CADM2: variants seen among roughly 807,000 people sequenced by gnomAD.
CADM2 encodes immunoglobulin superfamily member 4D.
A neutral mutation model predicts 49.8 loss-of-function variants in CADM2; 12 were observed. The ratio of observed to expected loss-of-function variants is 0.24; its 90% confidence interval spans 0.15 to 0.39. The LOEUF (loss-of-function observed/expected upper bound fraction) is 0.39, where lower values mean the gene tolerates loss of function less well. Among genes scored for constraint, CADM2 ranks in the 10% least tolerant of loss-of-function variants. The pLI is 1.00. For missense variants in CADM2, 378 were observed against 492.3 expected, an observed-to-expected ratio of 0.77 and a Z score of 2.20; for synonymous variants, 214 against 175.4, an observed-to-expected ratio of 1.22 and a Z score of -1.74.
intron 1 of CADM2, among the ~76,000 whole-genome samples, chr3:85,032,981 A>G (rs1026962516): frequency 2.6e-5 from 4 of 152,072 alleles, no homozygotes; most frequent in Non-Finnish European, 4.4e-5. Context: ...CTCTCTATAT[A>G]TCTTTTTTTA....
intron 7 of CADM2, among the ~76,000 whole-genome samples, chr3:85,956,634 G>A (rs1724087351): frequency 6.7e-6 from 1 of 148,548 alleles, no homozygotes. Context: ...TGTAGATGCT[G>A]TTGTTATTTC....
At chr3:85,996,641 T>C (rs1729459419) in intron 8 of CADM2, among the ~76,000 whole-genome samples, 1 of 152,164 alleles carries the variant, frequency 6.6e-6, no homozygotes, top group African/African-American at 2.4e-5. Flanking sequence ...ACATAGATAA[T>C]ACATTTGATC....
intron 1 of CADM2, among the ~76,000 whole-genome samples, chr3:85,092,218 C>T (rs2037623400): frequency 6.6e-6 from 1 of 152,100 alleles, no homozygotes; most frequent in South Asian, 2.1e-4. Flanking sequence ...ACAGGAAAAC[C>T]TTCCTAAGTT....
chr3:84,971,943 G>A (rs750083135), intron 1 of CADM2, among the ~76,000 whole-genome samples: 34 of 152,048 alleles, frequency 2.2e-4, no homozygotes, highest in Non-Finnish European at 4.6e-4. Context: ...ATTGTGGTTC[G>A]TGTGGAAGTG....
intron 1 of CADM2, among the ~76,000 whole-genome samples, chr3:85,000,876 T>G (rs1013765222): frequency 2.0e-5 from 3 of 152,092 alleles, no homozygotes; most frequent in Admixed American, 6.6e-5. Context: ...GATTAGCCAC[T>G]CTGGTGACAT....
chr3:85,294,951 A>C (rs572695849), intron 1 of CADM2, among the ~76,000 whole-genome samples: 1 of 152,230 alleles, frequency 6.6e-6, no homozygotes, highest in African/African-American at 2.4e-5. Flanking sequence ...GGATCAAATT[A>C]AACTCAAGAG....
intron 1 of CADM2, among the ~76,000 whole-genome samples, chr3:85,064,130 C>T (rs1326098448): frequency 6.6e-6 from 1 of 152,084 alleles, no homozygotes; most frequent in Non-Finnish European, 1.5e-5. Flanking sequence ...AGTTTCCCGC[C>T]TTTGCTAACC....
At chr3:86,035,954 C>T (rs966899223) in intron 8 of CADM2, among the ~76,000 whole-genome samples, 3 of 152,046 alleles carry the variant, frequency 2.0e-5, no homozygotes, top group South Asian at 2.1e-4. Context: ...ACCATATTCT[C>T]GCATGACAGA....
chr3:85,822,847 G>A (rs912618969), intron 3 of CADM2, among the ~76,000 whole-genome samples: 5 of 152,134 alleles, frequency 3.3e-5, no homozygotes, highest in Middle Eastern at 3.4e-3. Flanking sequence ...CTAAATGTGC[G>A]ATATCAAGAT....
intron 1 of CADM2, among the ~76,000 whole-genome samples, chr3:85,505,153 A>G (rs1005987091): frequency 5.3e-4 from 81 of 152,202 alleles, no homozygotes; most frequent in African/African-American, 1.8e-3. Context: ...AAGGGCTCTC[A>G]AGTGCCGCCA....
chr3:85,496,794 T>C (rs759804476), intron 1 of CADM2, among the ~76,000 whole-genome samples: 2 of 152,184 alleles, frequency 1.3e-5, no homozygotes, highest in African/African-American at 4.8e-5. Flanking sequence ...TGATGATTAG[T>C]GGTGTTGAGC....
chr3:85,726,354 C>A (rs1024226349), intron 1 of CADM2, 168 bp from the exon 2 acceptor site: 1 of 699,806 alleles, frequency 1.4e-6, no homozygotes, highest in Non-Finnish European at 2.5e-6. Flanking sequence ...ACTCATAACA[C>A]TAACTAAATG....
intron 1 of CADM2, among the ~76,000 whole-genome samples, chr3:85,236,294 T>G (rs2107825118): frequency 6.6e-6 from 1 of 152,172 alleles, no homozygotes; most frequent in Non-Finnish European, 1.5e-5. Context: ...ATTGGATTAT[T>G]AATCTTTATC....
intron 1 of CADM2, among the ~76,000 whole-genome samples, chr3:85,555,960 T>C (rs2061946618): frequency 6.6e-6 from 1 of 152,124 alleles, no homozygotes; most frequent in African/African-American, 2.4e-5. Context: ...GTATATCTTG[T>C]ATACATAACA....
intron 3 of CADM2, among the ~76,000 whole-genome samples, chr3:85,841,825 T>C (rs774659441): frequency 5.9e-5 from 9 of 152,050 alleles, no homozygotes; most frequent in Non-Finnish European, 1.3e-4. Flanking sequence ...ATAAATTTTA[T>C]CATATCTTTC....
intron 8 of CADM2, among the ~76,000 whole-genome samples, chr3:86,051,120 T>C (rs1233080306): frequency 6.6e-6 from 1 of 152,212 alleles, no homozygotes. Context: ...ACATATGAGA[T>C]AGGATGTTAG....
Position 85,333,830 on chromosome 3 carries a change from A to T in CADM2, c.61+374162A>T, listed in dbSNP as rs1239642212. Among the ~76,000 whole-genome samples the T allele has an allele frequency of 2.0e-5, 3 of 151,676 alleles. No homozygotes were observed. In the East Asian group the frequency reaches 5.8e-4, roughly 29 times the overall value. ...CGAAGTAAGTTGAGAAGAGATAGTA[A>T]TGTGTGACAAATACCAATTTTCCTG... On this transcript the variant is annotated intron_variant, in intron 1 of 9. Transcript: ENST00000383699.
chr3:85,441,373 A>G (rs879688534), intron 1 of CADM2, among the ~76,000 whole-genome samples: 1 of 152,050 alleles, frequency 6.6e-6, no homozygotes, highest in Non-Finnish European at 1.5e-5. Context: ...ATAAATAAAC[A>G]TAATATTTAT....
At chr3:85,669,409 G>A (rs1479994505) in intron 1 of CADM2, among the ~76,000 whole-genome samples, 4 of 152,082 alleles carry the variant, frequency 2.6e-5, no homozygotes, top group Non-Finnish European at 4.4e-5. Context: ...AAGTGGTATT[G>A]GGAAGTATTG....
Sources: gnomAD v4.1 joint callset for allele counts (sites outside exome capture counted in the v4.1 genomes callset) on GRCh38, gnomAD v4.1.1 for gene constraint, MANE v1.5 for transcripts, NCBI Gene and HGNC (gene_info 2026-07-23, HGNC 2026-07-21) for gene names.